SCG5: variants seen among roughly 807,000 people sequenced by gnomAD.
SCG5 encodes neuroendocrine protein 7B2.
In SCG5, 18 loss-of-function variants were observed where a neutral mutation model predicts 25.7. The observed-to-expected ratio is 0.70, with a 90% CI of 0.48 to 1.04. The LOEUF (loss-of-function observed/expected upper bound fraction) is 1.04. Among genes scored for constraint, SCG5 ranks in the 50% least tolerant of loss-of-function variants. SCG5 has a pLI of 0.00. For missense variants in SCG5, 206 were observed against 259.8 expected (o/e 0.79, Z 1.42); for synonymous variants, 101 against 91.7 (o/e 1.10, Z -0.58).
Position 32,682,891 on chromosome 15 carries a change from G to A in SCG5, c.377-1666G>A, listed in dbSNP as rs143099040. On this transcript the variant is annotated intron_variant, in intron 3 of 5. Transcript: ENST00000300175. Reference sequence around the variant, plus strand: ...GAGTCCATCTCAGCCTCAGAGATAGGATGTGAATTCTAGGGCACATTTTTA... The same window carrying A: ...GAGTCCATCTCAGCCTCAGAGATAGAATGTGAATTCTAGGGCACATTTTTA... 6.5e-3 allele frequency among the ~76,000 whole-genome samples: 986 copies of A among 152,278 alleles called. 7 individuals carry two copies. Among genetic ancestry groups the A allele is most frequent in the Middle Eastern group, 0.014 (4 of 294 alleles).
At chr15:32,643,099 C>A (rs2053891857) in intron 1 of SCG5, among the ~76,000 whole-genome samples, 1 of 152,184 alleles carries the variant, frequency 6.6e-6, no homozygotes, top group African/African-American at 2.4e-5. Flanking sequence ...TGTTTCCCTG[C>A]CACCACTCCC....
chr15:32,644,105 T>A (rs1182051523), intron 2 of SCG5, among the ~76,000 whole-genome samples: 4 of 152,208 alleles, frequency 2.6e-5, no homozygotes, highest in African/African-American at 9.7e-5. Context: ...GCACAATGTC[T>A]GGTACATAAT....
intron 2 of SCG5, among the ~76,000 whole-genome samples, chr15:32,659,514 T>C (rs988629653): frequency 1.3e-5 from 2 of 152,204 alleles, no homozygotes; most frequent in Non-Finnish European, 2.9e-5. Context: ...GCAATAGGCC[T>C]TGCCAGAAGG....
At chr15:32,696,184 G>A (rs549712640) in intron 5 of SCG5, among the ~76,000 whole-genome samples, 13 of 151,720 alleles carry the variant, frequency 8.6e-5, no homozygotes, top group African/African-American at 1.2e-4. Flanking sequence ...GTGGCATGAC[G>A]TCTGCTCACT....
chr15:32,667,315 G>T (rs1383172904), intron 2 of SCG5, among the ~76,000 whole-genome samples: 1 of 152,180 alleles, frequency 6.6e-6, no homozygotes, highest in Non-Finnish European at 1.5e-5. Context: ...GAAGTGGGTG[G>T]ATGGGAAGGT....
chr15:32,691,616 C>A, intron 4 of SCG5, 94 bp from the exon 5 acceptor site: 1 of 960,476 alleles, frequency 1.0e-6, no homozygotes, highest in Admixed American at 2.5e-5. Context: ...ATGCAAATAT[C>A]TAGGGGACAC....
chr15:32,678,865 T>C (rs71462819), intron 2 of SCG5, among the ~76,000 whole-genome samples: 2 of 152,182 alleles, frequency 1.3e-5, no homozygotes, highest in Non-Finnish European at 2.9e-5. Flanking sequence ...TGCAGCCAAA[T>C]GGAAAGATGC....
intron 4 of SCG5, among the ~76,000 whole-genome samples, chr15:32,686,951 G>T (rs1237240722): frequency 1.3e-5 from 2 of 152,198 alleles, no homozygotes; most frequent in Non-Finnish European, 2.9e-5. Context: ...CAGAACTGAG[G>T]ACTGGTGTGG....
At chr15:32,677,560 G>A (rs572136173) in intron 2 of SCG5, 1 of 152,360 alleles carries the variant, frequency 6.6e-6, no homozygotes, top group South Asian at 2.1e-4. Context: ...AATCCAGCCT[G>A]TGGCAGGATC....
At chr15:32,648,305 A>G (rs980641925) in intron 2 of SCG5, among the ~76,000 whole-genome samples, 5 of 152,150 alleles carry the variant, frequency 3.3e-5, no homozygotes, top group Non-Finnish European at 7.4e-5. Context: ...ACCCTGGTCC[A>G]AGATACCATC....
intron 4 of SCG5, among the ~76,000 whole-genome samples, chr15:32,686,071 C>G (rs2054703524): frequency 6.6e-6 from 1 of 152,206 alleles, no homozygotes; most frequent in African/African-American, 2.4e-5. Context: ...CACACATTTC[C>G]TGTCTTAAAA....
intron 2 of SCG5, among the ~76,000 whole-genome samples, chr15:32,658,175 G>T (rs1308571214): frequency 6.6e-6 from 1 of 152,170 alleles, no homozygotes; most frequent in Non-Finnish European, 1.5e-5. Context: ...AAGAGGAGTA[G>T]CTGGGCCTGT....
chr15:32,671,937 C>T (rs910190604), intron 2 of SCG5, among the ~76,000 whole-genome samples: 1 of 152,228 alleles, frequency 6.6e-6, no homozygotes, highest in Admixed American at 6.5e-5. Context: ...CTCTCCTGGT[C>T]TCCTCGGGCG....
At chr15:32,679,665 A>T (rs1431565514) in intron 2 of SCG5, 101 bp from the exon 3 acceptor site, 2 of 1,288,788 alleles carry the variant, frequency 1.6e-6, no homozygotes, top group African/African-American at 2.9e-5. Flanking sequence ...CTCTCCCCAC[A>T]GCAGAAGGCA....
chr15:32,653,247 C>G (rs2054061808), intron 2 of SCG5, among the ~76,000 whole-genome samples: 1 of 152,220 alleles, frequency 6.6e-6, no homozygotes, highest in African/African-American at 2.4e-5. Flanking sequence ...TGTGAATTTT[C>G]AATCACGAGT....
chr15:32,689,887 G>C (rs1014674218), intron 4 of SCG5, among the ~76,000 whole-genome samples: 1 of 150,912 alleles, frequency 6.6e-6, no homozygotes, highest in African/African-American at 2.4e-5. Context: ...TGTCCCCCAG[G>C]CTGGAGTGCA....
chr15:32,690,929 C>CG (rs1297012599), intron 4 of SCG5, among the ~76,000 whole-genome samples: 2 of 151,460 alleles, frequency 1.3e-5, no homozygotes, highest in East Asian at 3.9e-4. Flanking sequence ...AAAGCCCCCC[C>CG]CCACCGCCAC....
intron 2 of SCG5, among the ~76,000 whole-genome samples, chr15:32,653,192 C>G (rs1288940292): frequency 6.6e-6 from 1 of 152,168 alleles, no homozygotes; most frequent in Non-Finnish European, 1.5e-5. Flanking sequence ...AAACAGTGAT[C>G]GGTAGAATCT....
chr15:32,678,592 A>T (rs1172219182), intron 2 of SCG5, among the ~76,000 whole-genome samples: 1 of 152,250 alleles, frequency 6.6e-6, no homozygotes, highest in African/African-American at 2.4e-5. Context: ...CTGATGGCTT[A>T]TAAATTGGTA....
Sources: allele counts gnomAD v4.1 joint callset (sites outside exome capture counted in the v4.1 genomes callset), GRCh38; gene constraint gnomAD v4.1.1; transcripts MANE v1.5; gene names NCBI Gene and HGNC (gene_info 2026-07-23, HGNC 2026-07-21).